PLD5: variants seen among roughly 807,000 people sequenced by gnomAD.
The protein encoded by PLD5 is inactive phospholipase D5.
Under a neutral mutation model 61.1 loss-of-function variants are expected in PLD5, and 36 were observed. The observed-to-expected ratio is 0.59, with a 90% CI of 0.45 to 0.78. PLD5 has a LOEUF of 0.78. Ranked by LOEUF, PLD5 falls within the 30% of genes least tolerant of loss-of-function variation. PLD5 has a pLI of 0.00. For missense variants in PLD5, 515 were observed against 644.4 expected (o/e 0.80, Z 2.17); for synonymous variants, 243 against 242.8 (o/e 1.00, Z -0.01).
chr1:242,409,161 C>T (rs374877009), intron 1 of PLD5, among the ~76,000 whole-genome samples: 3 of 152,138 alleles, frequency 2.0e-5, no homozygotes, highest in Non-Finnish European at 4.4e-5. Flanking sequence ...GAGCTCTAGA[C>T]CCAACTTTGT....
At chr1:242,515,142 G>A (rs992945915) in intron 1 of PLD5, among the ~76,000 whole-genome samples, 7 of 152,120 alleles carry the variant, frequency 4.6e-5, no homozygotes, top group African/African-American at 1.7e-4. Context: ...TTTACCCTCA[G>A]AAGTAATCGC....
intron 5 of PLD5, among the ~76,000 whole-genome samples, chr1:242,146,667 A>G (rs1664565640): frequency 6.6e-6 from 1 of 152,230 alleles, no homozygotes; most frequent in South Asian, 2.1e-4. Context: ...CAAAGATTCT[A>G]TATATTAAAA....
intron 1 of PLD5, among the ~76,000 whole-genome samples, chr1:242,443,866 G>T (rs1666383995): frequency 2.0e-5 from 3 of 151,936 alleles, no homozygotes; most frequent in African/African-American, 7.3e-5. Context: ...TTTATCCTAG[G>T]ACTTCCATTT....
intron 5 of PLD5, among the ~76,000 whole-genome samples, chr1:242,201,787 G>A (rs944288460): frequency 1.3e-5 from 2 of 152,282 alleles, no homozygotes; most frequent in Non-Finnish European, 2.9e-5. Flanking sequence ...ATGGTTTAAA[G>A]TGGTATTTTG....
intron 1 of PLD5, among the ~76,000 whole-genome samples, chr1:242,416,577 G>A (rs1664845114): frequency 6.6e-6 from 1 of 152,090 alleles, no homozygotes; most frequent in African/African-American, 2.4e-5. Flanking sequence ...TTAAAGGATG[G>A]CAAAATAAAT....
intron 8 of PLD5, among the ~76,000 whole-genome samples, chr1:242,101,622 G>A (rs1660696590): frequency 6.6e-6 from 1 of 152,222 alleles, no homozygotes; most frequent in African/African-American, 2.4e-5. Flanking sequence ...GAACCTTGTG[G>A]AATGTCTTAC....
At chr1:242,162,244 T>C (rs976675841) in intron 5 of PLD5, among the ~76,000 whole-genome samples, 1 of 152,198 alleles carries the variant, frequency 6.6e-6, no homozygotes, top group African/African-American at 2.4e-5. Flanking sequence ...CTTTGTTGTT[T>C]TTATTCAATA....
chr1:242,272,580 A>T (rs1280148252), intron 3 of PLD5, among the ~76,000 whole-genome samples: 1 of 152,140 alleles, frequency 6.6e-6, no homozygotes, highest in East Asian at 1.9e-4. Context: ...GCAACAAATC[A>T]TTTACATGTT....
chr1:242,446,125 A>G (rs147513237), intron 1 of PLD5, among the ~76,000 whole-genome samples: 36 of 152,210 alleles, frequency 2.4e-4, no homozygotes, highest in Middle Eastern at 6.8e-3. Flanking sequence ...CCAAAATCAC[A>G]CAATGAGTGT....
At chr1:242,254,662 T>C (rs1008380516) in intron 4 of PLD5, among the ~76,000 whole-genome samples, 43 of 151,824 alleles carry the variant, frequency 2.8e-4, no homozygotes, top group Admixed American at 6.6e-5. Flanking sequence ...AAGAGTGAAA[T>C]TCGTCTCAAA....
At chr1:242,173,257 A>G (rs186459285) in intron 5 of PLD5, among the ~76,000 whole-genome samples, 199 of 152,248 alleles carry the variant, frequency 1.3e-3, no homozygotes, top group African/African-American at 4.3e-3. Flanking sequence ...CTCTATACCA[A>G]TAACAGACAG....
At chr1:242,126,909 C>T (rs760081871) in intron 5 of PLD5, among the ~76,000 whole-genome samples, 4 of 152,174 alleles carry the variant, frequency 2.6e-5, no homozygotes, top group Non-Finnish European at 5.9e-5. Context: ...ACAATCTATA[C>T]ATCTGACAAT....
rs1558518462 is a variant in PLD5, at chr1:242,387,923, G to A, written c.190-39681C>T. On this transcript the variant is annotated intron_variant, in intron 1 of 9. Transcript: ENST00000536534. ...GGTAAGGTTTGGTCTTGTTTGCTAGGTTGTTTGTTTACTGCCACAAAAGAT... is the reference window on the plus strand; with the variant it reads ...GGTAAGGTTTGGTCTTGTTTGCTAGATTGTTTGTTTACTGCCACAAAAGAT... Among the ~76,000 whole-genome samples, 3 of 152,116 alleles carry A rather than the reference G, an allele frequency of 2.0e-5. No homozygotes were observed. The East Asian group carries it at 5.8e-4, about 29-fold the overall frequency.
chr1:242,212,080 G>C (rs537245130), intron 5 of PLD5, among the ~76,000 whole-genome samples: 2 of 152,274 alleles, frequency 1.3e-5, no homozygotes, highest in East Asian at 3.9e-4. Context: ...GGGCAGCCCT[G>C]GCTCCATTAT....
intron 5 of PLD5, among the ~76,000 whole-genome samples, chr1:242,170,683 T>C (rs558423054): frequency 6.6e-6 from 1 of 152,132 alleles, no homozygotes; most frequent in Non-Finnish European, 1.5e-5. Flanking sequence ...AATTGGTAAC[T>C]AGAATAACCA....
intron 1 of PLD5, among the ~76,000 whole-genome samples, chr1:242,476,205 A>T (rs1419277631): frequency 1.3e-5 from 2 of 152,106 alleles, no homozygotes; most frequent in Non-Finnish European, 2.9e-5. Context: ...AAATACAAAA[A>T]TTAGCCAGAC....
intron 1 of PLD5, among the ~76,000 whole-genome samples, chr1:242,476,273 T>C (rs1254978498): frequency 6.6e-6 from 1 of 151,912 alleles, no homozygotes; most frequent in African/African-American, 2.4e-5. Flanking sequence ...GAGAATCACT[T>C]GGACCTGGGA....
At chr1:242,204,095 A>C (rs929336383) in intron 5 of PLD5, among the ~76,000 whole-genome samples, 4 of 151,460 alleles carry the variant, frequency 2.6e-5, no homozygotes, top group African/African-American at 9.7e-5. Flanking sequence ...AAAAAAAAAA[A>C]ACTTAGGTGT....
Position 242,334,359 on chromosome 1 carries a change from G to A in PLD5, c.326+13747C>T, listed in dbSNP as rs557697316. ...CCAGCAGGTTCAGGAAATAAAGGTG[G>A]GTATGCATCAACAACTGAAGTTTAA... On this transcript the variant is annotated intron_variant, in intron 2 of 9. Coordinates refer to ENST00000536534, the MANE Select transcript of PLD5 (RefSeq NM_001372062.1). 2.0e-5 allele frequency among the ~76,000 whole-genome samples: 3 copies of A among 152,182 alleles called. No homozygotes were observed. In the East Asian group the frequency reaches 5.8e-4, roughly 29 times the overall value.
Sources: allele counts gnomAD v4.1 joint callset (sites outside exome capture counted in the v4.1 genomes callset), GRCh38; gene constraint gnomAD v4.1.1; transcripts MANE v1.5; gene names NCBI Gene and HGNC (gene_info 2026-07-23, HGNC 2026-07-21).